Variants in MYO5B observed in about 807,000 individuals in gnomAD.
MYO5B encodes unconventional myosin-Vb.
Under a neutral mutation model 229.3 loss-of-function variants are expected in MYO5B, and 143 were observed. The ratio of observed to expected loss-of-function variants is 0.62; its 90% CI spans 0.54 to 0.72. The LOEUF (loss-of-function observed/expected upper bound fraction) is 0.72, where lower values mean the gene tolerates loss of function less well. MYO5B is among the 30% of genes least tolerant of loss of function. MYO5B has a pLI of 0.00. For missense variants in MYO5B, 2,321 were observed against 2,331.0 expected (o/e 1.00, Z 0.09); for synonymous variants, 918 against 885.2 (o/e 1.04, Z -0.66).
chr18:50,009,067 G>T (rs2144339210), intron 4 of MYO5B, among the ~76,000 whole-genome samples: 1 of 152,302 alleles, frequency 6.6e-6, no homozygotes, highest in African/African-American at 2.4e-5. Context: ...TGGAAACAAT[G>T]GTGACTTAAA....
intron 1 of MYO5B, among the ~76,000 whole-genome samples, chr18:50,184,289 T>A (rs12457149): frequency 0.47 from 71,357 of 151,772 alleles, 17,158 homozygotes; most frequent in Admixed American, 0.58. Context: ...ACAAGCAGGA[T>A]CAGACCACCT....
At position 49,825,296 on chromosome 18, in the gene MYO5B, TA is replaced by T. The variant is rs2023828265; in HGVS notation, c.*1174del. 6.6e-6 allele frequency: 1 copy of T among 152,234 alleles called. No homozygotes were observed. Among genetic ancestry groups the T allele is most frequent in the African/African-American group, 2.4e-5 (1 of 41,464 alleles). The allele number at this position is 152,234 out of a possible 1,614,324, so 9.4% of individuals were successfully genotyped here. A position where few individuals can be genotyped will look rare whatever the true frequency, so the allele number is the denominator to read the frequency against. On this transcript the variant is annotated 3_prime_UTR_variant, in exon 40 of 40. Transcript: ENST00000285039. ...ATCTAAGCCTGTTATATTACTGAAT[TA>T]CTTTTTTAAAATCCTTATTTTGTGG...
chr18:50,038,867 G>C (rs2029914147), intron 3 of MYO5B, among the ~76,000 whole-genome samples: 1 of 152,200 alleles, frequency 6.6e-6, no homozygotes, highest in Non-Finnish European at 1.5e-5. Flanking sequence ...TCTTATTAAA[G>C]GCTCTGATAA....
At chr18:49,826,713 A>G (rs2023851379) in intron 39 of MYO5B, 90 bp from the exon 40 acceptor site, 2 of 1,457,914 alleles carry the variant, frequency 1.4e-6, no homozygotes, top group Non-Finnish European at 1.9e-6. Flanking sequence ...GGCATATATC[A>G]TGGAAAGATT....
At chr18:50,031,992 A>G (rs949771736) in intron 4 of MYO5B, among the ~76,000 whole-genome samples, 3 of 152,162 alleles carry the variant, frequency 2.0e-5, no homozygotes, top group African/African-American at 7.2e-5. Context: ...CGGTTTCCCA[A>G]ACTCGTTTGG....
At position 50,168,667 on chromosome 18, in the gene MYO5B, G is replaced by A. The variant is rs115731320; in HGVS notation, c.27+26100C>T. On this transcript the variant is annotated intron_variant, in intron 1 of 39. Transcript: ENST00000285039. ...ACCCTGTGTGAATCTCAGACACCACGACCCCTAACCAGGTCTTGGTCAATC... is the reference window on the plus strand; with the variant it reads ...ACCCTGTGTGAATCTCAGACACCACAACCCCTAACCAGGTCTTGGTCAATC... 3.8e-3 allele frequency among the ~76,000 whole-genome samples: 243 copies of A among 63,978 alleles called. 57 individuals carry two copies. Among genetic ancestry groups the A allele is most frequent in the African/African-American group, 0.013 (211 of 16,512 alleles). The allele number at this position is 63,978 out of a possible 152,430, so 42.0% of individuals were successfully genotyped here. A position where few individuals can be genotyped will look rare whatever the true frequency, so the allele number is the denominator to read the frequency against.
intron 21 of MYO5B, among the ~76,000 whole-genome samples, chr18:49,898,628 T>C (rs1340769593): frequency 6.6e-6 from 1 of 152,148 alleles, no homozygotes; most frequent in African/African-American, 2.4e-5. Context: ...CGTCACAGAT[T>C]ATGAAAGCCC....
At chr18:50,001,994 C>T (rs1000115684) in intron 4 of MYO5B, among the ~76,000 whole-genome samples, 2 of 148,124 alleles carry the variant, frequency 1.4e-5, no homozygotes, top group African/African-American at 2.5e-5. Flanking sequence ...CGAGATCGTG[C>T]CACTGCACTC....
intron 1 of MYO5B, among the ~76,000 whole-genome samples, chr18:50,112,684 G>A (rs1031040105): frequency 6.6e-6 from 1 of 152,132 alleles, no homozygotes; most frequent in Non-Finnish European, 1.5e-5. Context: ...ACTCCCTACT[G>A]GACTGAAGGT....
At chr18:49,883,330 C>T (rs1726155106) in intron 22 of MYO5B, among the ~76,000 whole-genome samples, 1 of 151,006 alleles carries the variant, frequency 6.6e-6, no homozygotes, top group Non-Finnish European at 1.5e-5. Context: ...ATACAAAACT[C>T]AATTGTATTT....
chr18:50,038,391 C>T (rs950602112), intron 3 of MYO5B, among the ~76,000 whole-genome samples: 13 of 152,024 alleles, frequency 8.6e-5, no homozygotes, highest in African/African-American at 3.1e-4. Flanking sequence ...GGGGAAAGGG[C>T]CAGGGGGTAA....
At chr18:49,946,232 ATTATAC>A (rs1211251930) in intron 14 of MYO5B, 1 of 152,196 alleles carries the variant, frequency 6.6e-6, no homozygotes, top group African/African-American at 2.4e-5. Flanking sequence ...GAGAATTTAC[ATTATAC>A]TTACTGGTTG....
chr18:50,021,144 C>T (rs148919317), intron 4 of MYO5B, among the ~76,000 whole-genome samples: 2 of 152,318 alleles, frequency 1.3e-5, no homozygotes, highest in African/African-American at 4.8e-5. Flanking sequence ...CTGCCATCCT[C>T]CTCTGAGGAG....
intron 12 of MYO5B, among the ~76,000 whole-genome samples, 178 bp downstream of exon 12, chr18:49,962,088 A>T (rs1037493979): frequency 5.9e-5 from 9 of 152,198 alleles, no homozygotes; most frequent in Non-Finnish European, 1.0e-4. Flanking sequence ...CACTTTAAAC[A>T]TGTTGCCTTC....
At chr18:49,910,363 C>T (rs1390498261) in intron 18 of MYO5B, among the ~76,000 whole-genome samples, 2 of 152,170 alleles carry the variant, frequency 1.3e-5, no homozygotes, top group Non-Finnish European at 2.9e-5. Flanking sequence ...TGATCCTAGA[C>T]AAATGAGAAG....
Position 50,085,271 on chromosome 18 carries a change from T to C in MYO5B, c.28-29893A>G, listed in dbSNP as rs1347181230. 6.6e-5 allele frequency among the ~76,000 whole-genome samples: 10 copies of C among 152,190 alleles called. No individual in the cohort carries two copies. The East Asian group carries it at 1.9e-3, about 29-fold the overall frequency. On this transcript the variant is annotated intron_variant, in intron 1 of 39. Coordinates refer to ENST00000285039, the MANE Select transcript of MYO5B (RefSeq NM_001080467.3). The stretch of plus-strand genomic sequence containing the variant: ...TGGGTGAAGGATATGAACAGACACT[T>C]CTCAAAAGAAGACATTTATGCAGCC...
At chr18:49,845,345 A>G (rs144062608) in intron 33 of MYO5B, among the ~76,000 whole-genome samples, 4 of 152,332 alleles carry the variant, frequency 2.6e-5, no homozygotes, top group African/African-American at 9.6e-5. Flanking sequence ...ACACAAACCA[A>G]ACAGCTGGAG....
intron 31 of MYO5B, chr18:49,850,491 T>A (rs1218351810): frequency 2.6e-5 from 4 of 152,224 alleles, no homozygotes; most frequent in Non-Finnish European, 4.4e-5. Context: ...AGGAACTTTA[T>A]TCATCTTGAT....
At chr18:49,952,491 G>T (rs1787286) in intron 14 of MYO5B, among the ~76,000 whole-genome samples, 89,344 of 151,996 alleles carry the variant, frequency 0.59, 26,800 homozygotes, top group Middle Eastern at 0.73. Context: ...GTTACCTGTG[G>T]GTGTCTTCAT....
Sources: allele counts gnomAD v4.1 joint callset (sites outside exome capture counted in the v4.1 genomes callset), GRCh38; gene constraint gnomAD v4.1.1; transcripts MANE v1.5; gene names NCBI Gene and HGNC (gene_info 2026-07-23, HGNC 2026-07-21).